Variants in PRKN observed in about 807,000 individuals in gnomAD.
The protein encoded by PRKN is parkin RBR E3 ubiquitin protein ligase.
Under a neutral mutation model 59.5 loss-of-function variants are expected in PRKN, and 56 were observed. The observed-to-expected ratio is 0.94, with a 90% CI of 0.76 to 1.18. The LOEUF is 1.18. Among genes scored for constraint, PRKN ranks in the 50% most tolerant of loss-of-function variants. PRKN has a pLI of 0.00. For missense variants in PRKN, 657 were observed against 596.4 expected (o/e 1.10, Z -1.06); for synonymous variants, 250 against 222.1 (o/e 1.13, Z -1.12).
intron 1 of PRKN, among the ~76,000 whole-genome samples, chr6:162,689,473 G>A (rs1777690264): frequency 6.6e-6 from 1 of 152,170 alleles, no homozygotes; most frequent in Admixed American, 6.5e-5. Flanking sequence ...GAAATTCCTT[G>A]AAAATCATTT....
chr6:161,681,395 TAA>T (rs1562604586), intron 7 of PRKN, among the ~76,000 whole-genome samples: 2 of 152,148 alleles, frequency 1.3e-5, no homozygotes, highest in Admixed American at 1.3e-4. Flanking sequence ...AAAAATAACT[TAA>T]GTTATCATTT....
chr6:161,664,100 C>T (rs753431423), intron 7 of PRKN, among the ~76,000 whole-genome samples: 1 of 152,202 alleles, frequency 6.6e-6, no homozygotes, highest in Admixed American at 6.5e-5. Context: ...GCAAGCTTCT[C>T]CAATGCATGG....
At chr6:161,814,883 A>G (rs1416277493) in intron 6 of PRKN, among the ~76,000 whole-genome samples, 2 of 152,152 alleles carry the variant, frequency 1.3e-5, no homozygotes, top group South Asian at 2.1e-4. Flanking sequence ...ACCCGCCCCC[A>G]TGATTCAATT....
At position 161,379,269 on chromosome 6, in the gene PRKN, C is replaced by T. The variant is rs895362672; in HGVS notation, c.1167+7525G>A. On this transcript the variant is annotated intron_variant, in intron 10 of 11. Transcript: ENST00000366898. The surrounding 1 kb of genome is among the most constrained non-coding windows in gnomAD (Gnocchi z 4.9). ...ATCAGGGATGATGTCTGTGTCACCC[C>T]ACCAGGTAAGCCACCTAGAGGTCTT... is the stretch of plus-strand genomic sequence containing the variant. 2.0e-5 allele frequency among the ~76,000 whole-genome samples: 3 copies of T among 152,146 alleles called. No individual in the cohort carries two copies. Among genetic ancestry groups the T allele is most frequent in the African/African-American group, 7.2e-5 (3 of 41,422 alleles).
chr6:162,233,932 T>G (rs1048085738), intron 3 of PRKN, among the ~76,000 whole-genome samples: 1 of 152,222 alleles, frequency 6.6e-6, no homozygotes, highest in Admixed American at 6.5e-5. Flanking sequence ...TCTAGAAGCA[T>G]GAGCCCAATA....
chr6:162,244,998 T>C (rs982393669), intron 3 of PRKN, among the ~76,000 whole-genome samples: 2 of 152,110 alleles, frequency 1.3e-5, no homozygotes, highest in Non-Finnish European at 2.9e-5. Flanking sequence ...TATTATTCTC[T>C]TGAGCGTAAA....
chr6:161,429,118 T>C lies in PRKN; in HGVS notation c.1084-42241A>G, dbSNP rs997373213. On this transcript the variant is annotated intron_variant, in intron 9 of 11. Transcript: ENST00000366898. This position sits in a 1 kb window ranked among gnomAD's most constrained non-coding sequence, Gnocchi z 4.2. ...TGCTAACCTTGATTGTGCCTTGAGA[T>C]ATTCACCTTTCCTTCAGAGTGAATG... Among the ~76,000 whole-genome samples the C allele has an allele frequency of 3.9e-5, 6 of 152,246 alleles. No individual in the cohort carries two copies. Among genetic ancestry groups the C allele is most frequent in the African/African-American group, 1.2e-4 (5 of 41,460 alleles).
At chr6:161,958,277 C>T (rs1043084415) in intron 6 of PRKN, among the ~76,000 whole-genome samples, 6 of 152,038 alleles carry the variant, frequency 3.9e-5, no homozygotes, top group Non-Finnish European at 7.4e-5. Context: ...AATTGTATTT[C>T]TTAAAAGACA....
At chr6:162,061,230 T>C (rs911300059) in intron 4 of PRKN, among the ~76,000 whole-genome samples, 2 of 152,142 alleles carry the variant, frequency 1.3e-5, no homozygotes, top group African/African-American at 2.4e-5. Context: ...AGAGTGTGCA[T>C]GAAGATTAAA....
At chr6:161,694,524 T>A (rs73597188) in intron 7 of PRKN, among the ~76,000 whole-genome samples, 4,338 of 152,242 alleles carry the variant, frequency 0.028, 204 homozygotes, top group African/African-American at 0.098. Flanking sequence ...ATTTTTTTTT[T>A]AATTTTTAAC....
chr6:162,001,516 C>T (rs1368170474), intron 5 of PRKN, among the ~76,000 whole-genome samples: 1 of 126,576 alleles, frequency 7.9e-6, no homozygotes, highest in African/African-American at 3.0e-5. Context: ...TGCAACCTTG[C>T]TATAATTACT....
At chr6:162,267,843 T>A (rs930718230) in intron 2 of PRKN, among the ~76,000 whole-genome samples, 1 of 152,098 alleles carries the variant, frequency 6.6e-6, no homozygotes, top group Admixed American at 6.5e-5. Flanking sequence ...TCTCATCTGG[T>A]TGGACATTAT....
intron 9 of PRKN, among the ~76,000 whole-genome samples, chr6:161,534,311 G>A (rs933142855): frequency 6.6e-6 from 1 of 152,126 alleles, no homozygotes; most frequent in African/African-American, 2.4e-5. Flanking sequence ...CCCTCAGTGC[G>A]CTTAATGAAG....
intron 4 of PRKN, among the ~76,000 whole-genome samples, chr6:162,093,111 C>A (rs1583021447): frequency 6.6e-6 from 1 of 152,150 alleles, no homozygotes; most frequent in East Asian, 1.9e-4. Context: ...TCTTTGGATG[C>A]CAGGCCTACA....
chr6:162,577,900 G>A (rs1780625224), intron 1 of PRKN, among the ~76,000 whole-genome samples: 1 of 152,096 alleles, frequency 6.6e-6, no homozygotes, highest in Non-Finnish European at 1.5e-5. Flanking sequence ...GTGCAGTCCA[G>A]CCCAGGCAAT....
rs533355784 is a variant in PRKN at position 161,461,633 on chromosome 6, T to G, written c.1084-74756A>C. Among the ~76,000 whole-genome samples the G allele has an allele frequency of 2.9e-4, 44 of 152,220 alleles. No individual in the cohort carries two copies. The highest frequency in any genetic ancestry group is 5.9e-5 in the Non-Finnish European group (4 of 68,022). On this transcript the variant is annotated intron_variant, in intron 9 of 11. Coordinates refer to ENST00000366898, the MANE Select transcript of PRKN (RefSeq NM_004562.3). This position sits in a 1 kb window ranked among gnomAD's most constrained non-coding sequence, Gnocchi z 5.1. ...TGGAGATAAAAGGGTCTGGAATACA[T>G]GCACGGAGGATTCTAAGTGCCACTC...
chr6:161,859,610 C>CAA (rs57747027), intron 6 of PRKN, among the ~76,000 whole-genome samples: 106 of 90,322 alleles, frequency 1.2e-3, no homozygotes, highest in African/African-American at 3.6e-3. Flanking sequence ...GACTCTCTCT[C>CAA]AAAAAAAAAA....
rs889552792 is a variant in PRKN at position 162,102,190 on chromosome 6, C to A, written c.535-48016G>T. Among the ~76,000 whole-genome samples the A allele has an allele frequency of 7.9e-5, 12 of 152,280 alleles. No homozygotes were observed. In the East Asian group the frequency reaches 2.3e-3, roughly 29 times the overall value. On this transcript the variant is annotated intron_variant, in intron 4 of 11. Coordinates refer to ENST00000366898, the MANE Select transcript of PRKN (RefSeq NM_004562.3). ...ATTATTCCCAATACTCTCCGTCCCC[C>A]CACCCATCCCCCAGTAGGCCCCAGT... is the stretch of plus-strand genomic sequence containing the variant.
intron 1 of PRKN, among the ~76,000 whole-genome samples, chr6:162,714,341 T>C (rs916725498): frequency 1.3e-5 from 2 of 152,178 alleles, no homozygotes; most frequent in Non-Finnish European, 2.9e-5. Context: ...GGCCTTTGTC[T>C]AACCAGGGGC....
Sources: gnomAD v4.1 joint callset for allele counts (sites outside exome capture counted in the v4.1 genomes callset) on GRCh38, gnomAD v4.1.1 for gene constraint, Gnocchi (gnomAD v3.1) non-coding constraint, MANE v1.5 for transcripts, NCBI Gene and HGNC (gene_info 2026-07-23, HGNC 2026-07-21) for gene names.